Variants in SPIN1 observed in about 807,000 individuals in gnomAD.
The protein encoded by SPIN1 is spindlin-1.
A neutral mutation model predicts 26.0 loss-of-function variants in SPIN1; 3 were observed. That is an observed-to-expected ratio of 0.12 (90% confidence interval 0.05 to 0.30). The LOEUF (loss-of-function observed/expected upper bound fraction) is 0.30, where lower values mean the gene tolerates loss of function less well. Among genes scored for constraint, SPIN1 ranks in the 10% least tolerant of loss-of-function variants. SPIN1 has a pLI of 1.00. For missense variants in SPIN1, 126 were observed against 333.4 expected (o/e 0.38, Z 4.84); for synonymous variants, 101 against 116.5 (o/e 0.87, Z 0.86).
intron 1 of SPIN1, among the ~76,000 whole-genome samples, chr9:88,402,392 C>G (rs1827206224): frequency 6.6e-6 from 1 of 152,184 alleles, no homozygotes; most frequent in Non-Finnish European, 1.5e-5. Flanking sequence ...TGACCCTACT[C>G]TGCTAGAGAA....
intron 1 of SPIN1, among the ~76,000 whole-genome samples, chr9:88,396,238 C>CAA (rs879468835): frequency 1.2e-4 from 17 of 139,836 alleles, no homozygotes; most frequent in Admixed American, 3.6e-4. Context: ...GACTCCATCT[C>CAA]AAAAAAAAAA....
At chr9:88,454,196 G>C (rs1828422665) in intron 3 of SPIN1, among the ~76,000 whole-genome samples, 1 of 152,058 alleles carries the variant, frequency 6.6e-6, no homozygotes, top group African/African-American at 2.4e-5. Context: ...GTAAATGAGA[G>C]TAAGAATATT....
chr9:88,406,292 ATTTTTT>A (rs34100420), intron 1 of SPIN1, among the ~76,000 whole-genome samples: 49 of 135,470 alleles, frequency 3.6e-4, no homozygotes, highest in African/African-American at 1.4e-3. Flanking sequence ...ATATACTAGA[ATTTTTT>A]TTTTTTTTTT....
At chr9:88,411,590 T>G (rs1827444373) in intron 1 of SPIN1, 2 of 567,632 alleles carry the variant, frequency 3.5e-6, no homozygotes, top group African/African-American at 3.8e-5. Flanking sequence ...CTTGGCTTAC[T>G]ATAGCCTTGG....
intron 3 of SPIN1, among the ~76,000 whole-genome samples, chr9:88,451,207 C>T (rs1424398451): frequency 6.6e-6 from 1 of 152,142 alleles, no homozygotes; most frequent in African/African-American, 2.4e-5. Context: ...CCTGGCTTGA[C>T]ACTGGGGCTC....
At chr9:88,401,069 T>G (rs984361067) in intron 1 of SPIN1, among the ~76,000 whole-genome samples, 3 of 152,164 alleles carry the variant, frequency 2.0e-5, no homozygotes, top group African/African-American at 4.8e-5. Context: ...ATAACTTGCA[T>G]TGTTGGTGGA....
At chr9:88,451,978 A>G (rs1184431027) in intron 3 of SPIN1, among the ~76,000 whole-genome samples, 1 of 152,348 alleles carries the variant, frequency 6.6e-6, no homozygotes, top group East Asian at 1.9e-4. Context: ...TGCAATTTGA[A>G]CAGGGAATAG....
intron 3 of SPIN1, among the ~76,000 whole-genome samples, chr9:88,450,697 G>A (rs1307411679): frequency 1.3e-5 from 2 of 152,190 alleles, no homozygotes; most frequent in Non-Finnish European, 2.9e-5. Flanking sequence ...TTGTCTTGAA[G>A]ACTGGAAGCC....
chr9:88,412,579 G>A (rs766946425), intron 1 of SPIN1, among the ~76,000 whole-genome samples: 13 of 152,054 alleles, frequency 8.5e-5, no homozygotes, highest in Non-Finnish European at 1.3e-4. Flanking sequence ...AGAATCTTCT[G>A]AACACAGTGA....
At chr9:88,457,495 A>C (rs1315166940) in intron 3 of SPIN1, among the ~76,000 whole-genome samples, 2 of 152,042 alleles carry the variant, frequency 1.3e-5, no homozygotes, top group Non-Finnish European at 2.9e-5. Context: ...GCACCACTAT[A>C]CTCCAGCCTG....
chr9:88,394,400 C>T (rs1391619223), intron 1 of SPIN1, among the ~76,000 whole-genome samples: 1 of 152,144 alleles, frequency 6.6e-6, no homozygotes, highest in South Asian at 2.1e-4. Context: ...GTTATATGTT[C>T]TTACTGTTAG....
At chr9:88,438,028 G>A (rs1828043078) in intron 2 of SPIN1, among the ~76,000 whole-genome samples, 1 of 152,082 alleles carries the variant, frequency 6.6e-6, no homozygotes, top group East Asian at 1.9e-4. Context: ...ATGCGCGCCT[G>A]TAATCCCAGC....
At chr9:88,464,443 AAGTC>A (rs1392896986) in intron 4 of SPIN1, among the ~76,000 whole-genome samples, 3 of 152,340 alleles carry the variant, frequency 2.0e-5, no homozygotes, top group Middle Eastern at 3.4e-3. Flanking sequence ...TTAGAGAAAA[AAGTC>A]AGTCAGCCAG....
intron 1 of SPIN1, among the ~76,000 whole-genome samples, chr9:88,400,435 A>T (rs1192677699): frequency 2.6e-5 from 4 of 152,164 alleles, no homozygotes; most frequent in Non-Finnish European, 5.9e-5. Context: ...AGGAGATAGA[A>T]AGGACTCTTA....
At position 88,395,338 on chromosome 9, in the gene SPIN1, ATGCACACTGCTCTGCCG is replaced by A. The variant is rs1564020510; in HGVS notation, c.-159+6802_-159+6818del. On this transcript the variant is annotated intron_variant, in intron 1 of 5. Coordinates refer to ENST00000375859, the MANE Select transcript of SPIN1 (RefSeq NM_006717.3). ...TTTCCTACACAATAGGCAGCGTTCT[ATGCACACTGCTCTGCCG>A]TTCTATGCACACTGCTCCCTTTTAC... Among the ~76,000 whole-genome samples, 250 of 103,168 alleles carry A rather than the reference ATGCACACTGCTCTGCCG, an allele frequency of 2.4e-3. 3 individuals are homozygous for A. Among genetic ancestry groups the A allele is most frequent in the African/African-American group, 0.012 (214 of 18,462 alleles). 67.7% of individuals were successfully genotyped at this position (103,168 alleles called of 152,430 possible).
At chr9:88,431,290 C>CTT (rs537803394) in intron 2 of SPIN1, among the ~76,000 whole-genome samples, 12 of 143,382 alleles carry the variant, frequency 8.4e-5, no homozygotes, top group African/African-American at 1.8e-4. Flanking sequence ...CTCTCTCTCT[C>CTT]TTTTTTTTTT....
chr9:88,451,291 A>C (rs962701749), intron 3 of SPIN1, among the ~76,000 whole-genome samples: 3 of 152,154 alleles, frequency 2.0e-5, no homozygotes, highest in Non-Finnish European at 4.4e-5. Context: ...TGGTTGCTTG[A>C]GGGAAAAGTC....
intron 4 of SPIN1, among the ~76,000 whole-genome samples, chr9:88,465,323 T>C (rs1300180985): frequency 6.6e-6 from 1 of 152,200 alleles, no homozygotes; most frequent in African/African-American, 2.4e-5. Flanking sequence ...ATGGTAATTA[T>C]AATTTTAATT....
chr9:88,455,551 T>C (rs562261878), intron 3 of SPIN1, among the ~76,000 whole-genome samples: 29 of 152,370 alleles, frequency 1.9e-4, no homozygotes, highest in Non-Finnish European at 3.1e-4. Context: ...AGAAAACTTA[T>C]TTATAATGCC....
Sources: gnomAD v4.1 joint callset for allele counts (sites outside exome capture counted in the v4.1 genomes callset) on GRCh38, gnomAD v4.1.1 for gene constraint, MANE v1.5 for transcripts, NCBI Gene and HGNC (gene_info 2026-07-23, HGNC 2026-07-21) for gene names.